MYO5C: variants seen among roughly 807,000 people sequenced by gnomAD.
The protein encoded by MYO5C is myosin VC.
Under a neutral mutation model 235.7 loss-of-function variants are expected in MYO5C, and 194 were observed. That is an observed-to-expected ratio of 0.82 (90% confidence interval 0.73 to 0.93). The LOEUF is 0.93. Among genes scored for constraint, MYO5C ranks in the 40% least tolerant of loss-of-function variants. The pLI is 0.00. For missense variants in MYO5C, 2,038 were observed against 2,127.2 expected, an observed-to-expected ratio of 0.96 and a Z score of 0.82; for synonymous variants, 707 against 754.8, an observed-to-expected ratio of 0.94 and a Z score of 1.04.
intron 22 of MYO5C, chr15:52,236,962 T>C (rs991208811): frequency 6.6e-6 from 1 of 152,260 alleles, no homozygotes; most frequent in Non-Finnish European, 1.5e-5. Flanking sequence ...TTCTCATTTT[T>C]TTATATGAGG....
At chr15:52,235,910 A>C in intron 22 of MYO5C, 147 bp from the exon 23 acceptor site, 1 of 574,886 alleles carries the variant, frequency 1.7e-6, no homozygotes, top group Non-Finnish European at 3.0e-6. Context: ...AGCACCAGCC[A>C]CTGTAAGACG....
chr15:52,291,739 T>TTTTTTTTG (rs1555422086), intron 1 of MYO5C, among the ~76,000 whole-genome samples: 870 of 75,558 alleles, frequency 0.012, 80 homozygotes, highest in Non-Finnish European at 0.018. Flanking sequence ...ATGTTTTTTT[T>TTTTTTTTG]TTTTTTTTTT....
chr15:52,252,414 G>A (rs1213043328), intron 12 of MYO5C, among the ~76,000 whole-genome samples: 3 of 151,338 alleles, frequency 2.0e-5, no homozygotes, highest in African/African-American at 4.9e-5. Flanking sequence ...TACTAAGCTA[G>A]TTGCGAAATT....
intron 38 of MYO5C, among the ~76,000 whole-genome samples, chr15:52,203,432 C>G (rs1312311243): frequency 1.3e-5 from 2 of 152,214 alleles, no homozygotes; most frequent in African/African-American, 4.8e-5. Flanking sequence ...ACTGCAACCT[C>G]TGCCTCGGGT....
chr15:52,253,526 A>G lies in MYO5C; in HGVS notation c.1396-69T>C, dbSNP rs191802180. 1.4e-3 allele frequency: 2,017 copies of G among 1,401,280 alleles called. 29 individuals carry two copies. Among genetic ancestry groups the G allele is most frequent in the Non-Finnish European group, 1.6e-4 (160 of 1,010,558 alleles). 86.8% of individuals were successfully genotyped at this position (1,401,280 alleles called of 1,614,324 possible). ...AATACGTTTCCAAAGAGCAGGATGT[A>G]AGCATTTGGAAAATGTAAATGGTTG... On this transcript the variant is annotated intron_variant, in intron 11 of 40. Transcript: ENST00000261839.
intron 23 of MYO5C, 117 bp downstream of exon 23, chr15:52,235,553 G>C: frequency 1.5e-6 from 1 of 661,938 alleles, no homozygotes; most frequent in Non-Finnish European, 2.5e-6. Flanking sequence ...AGCAAAAATT[G>C]CCTCACTAAA....
At chr15:52,250,651 GCT>G (rs1189866882) in intron 13 of MYO5C, among the ~76,000 whole-genome samples, 1 of 152,198 alleles carries the variant, frequency 6.6e-6, no homozygotes, top group African/African-American at 2.4e-5. Context: ...GGAATGACCA[GCT>G]CTGACTCACA....
At chr15:52,244,678 G>C in intron 18 of MYO5C, 111 bp from the exon 19 acceptor site, 1 of 726,636 alleles carries the variant, frequency 1.4e-6, no homozygotes, top group Non-Finnish European at 2.2e-6. Context: ...TTGTGATTTT[G>C]ACATTTAAGG....
chr15:52,285,401 C>CCCTCTCCCT (rs1204474481), intron 1 of MYO5C, among the ~76,000 whole-genome samples: 4 of 130,930 alleles, frequency 3.1e-5, no homozygotes, highest in African/African-American at 1.1e-4. Context: ...CTCTCGCTCT[C>CCCTCTCCCT]CCTCTCCCTC....
At chr15:52,261,180 C>T (rs2036688040) in intron 9 of MYO5C, 53 bp from the exon 10 acceptor site, 3 of 1,591,858 alleles carry the variant, frequency 1.9e-6, no homozygotes, top group Admixed American at 1.7e-5. Flanking sequence ...CAAAGACACA[C>T]AATCCCACCC....
chr15:52,246,157 C>T (rs2141326686), intron 16 of MYO5C, 115 bp from the exon 17 acceptor site: 4 of 753,418 alleles, frequency 5.3e-6, no homozygotes, highest in South Asian at 1.6e-5. Context: ...CCAGCAGATA[C>T]TTAATAAGTT....
At chr15:52,286,396 A>C (rs1368515305) in intron 1 of MYO5C, among the ~76,000 whole-genome samples, 1 of 151,334 alleles carries the variant, frequency 6.6e-6, no homozygotes, top group African/African-American at 2.4e-5. Context: ...CCTACTGGGA[A>C]GTGAGGAGCC....
chr15:52,199,504 C>T lies in MYO5C; in HGVS notation c.4821-3021G>A, dbSNP rs191680077. Among the ~76,000 whole-genome samples the T allele has an allele frequency of 5.9e-5, 9 of 152,244 alleles. 1 individual carries two copies. The East Asian group carries it at 1.5e-3, about 26-fold the overall frequency. On this transcript the variant is annotated intron_variant, in intron 38 of 40. Coordinates refer to ENST00000261839, the MANE Select transcript of MYO5C (RefSeq NM_018728.4). ...ACCAGAATTTGAAGTCCTTCCAAGT[C>T]AAAAGTGAGATCATCACTTTTCCCC...
intron 15 of MYO5C, 135 bp from the exon 16 acceptor site, chr15:52,247,149 A>G: frequency 5.5e-6 from 4 of 730,330 alleles, no homozygotes; most frequent in Non-Finnish European, 9.1e-6. Flanking sequence ...CCTATTATGA[A>G]AGGTTTCAGT....
intron 5 of MYO5C, among the ~76,000 whole-genome samples, chr15:52,273,433 T>C (rs965694747): frequency 6.6e-6 from 1 of 152,236 alleles, no homozygotes; most frequent in African/African-American, 2.4e-5. Context: ...TTGTGTCCTC[T>C]CAAAATCTTC....
Position 52,268,895 on chromosome 15 carries a change from G to A in MYO5C, c.940+858C>T, listed in dbSNP as rs559775418. On this transcript the variant is annotated intron_variant, in intron 8 of 40. Coordinates refer to ENST00000261839, the MANE Select transcript of MYO5C (RefSeq NM_018728.4). ...TTCCACTCTGAATCAGTTGCCTAAT[G>A]TTGGGTAAATCACTTCCCATCTCTG... Among the ~76,000 whole-genome samples the A allele has an allele frequency of 1.1e-3, 161 of 152,338 alleles. 1 individual carries two copies. The highest frequency in any genetic ancestry group is 3.8e-3 in the African/African-American group (160 of 41,590).
chr15:52,221,285 A>G, intron 29 of MYO5C, 30 bp from the exon 30 acceptor site: 3 of 1,466,890 alleles, frequency 2.0e-6, no homozygotes, highest in East Asian at 2.4e-5. Flanking sequence ...ATATTAGAAT[A>G]TAAAATACTT....
In MYO5C at chr15:52,204,980, G is replaced by A; in HGVS notation, c.4705C>T (p.Pro1569Ser). Residue 1569 changes from proline to serine, a missense_variant, in exon 38 of 41, where the codon CCC (proline) becomes TCC (serine). Physicochemically the swap from Pro to Ser is moderately conservative, Grantham distance 74. Transcript: ENST00000261839. ...TTCACCGCCTGCCTCACAAGCTCGGGGTCCAGGCCGTTCTGGCACATGGTG... is the reference window on the plus strand; with the variant it reads ...TTCACCGCCTGCCTCACAAGCTCGGAGTCCAGGCCGTTCTGGCACATGGTG... The part of the protein sequence containing the change: ...YTTMCQNGLD[P>S]ELVRQAVKQL... 1 of 1,614,226 alleles carries A rather than the reference G, an allele frequency of 6.2e-7. No homozygotes were observed. Among genetic ancestry groups the A allele is most frequent in the Non-Finnish European group, 8.5e-7 (1 of 1,180,040 alleles).
intron 16 of MYO5C, 86 bp downstream of exon 16, chr15:52,246,831 T>C: frequency 9.1e-7 from 1 of 1,095,586 alleles, no homozygotes; most frequent in South Asian, 1.4e-5. Context: ...CAGGGTAATC[T>C]CAAGACAATT....
Sources: gnomAD v4.1 joint callset for allele counts (sites outside exome capture counted in the v4.1 genomes callset) on GRCh38, gnomAD v4.1.1 for gene constraint, MANE v1.5 for transcripts, NCBI Gene and HGNC (gene_info 2026-07-23, HGNC 2026-07-21) for gene names.